Variants in LUZP2 observed in about 807,000 individuals in gnomAD.
LUZP2 encodes leucine zipper protein 2.
A neutral mutation model predicts 51.6 loss-of-function variants in LUZP2; 52 were observed. That is an observed-to-expected ratio of 1.01 (90% confidence interval 0.81 to 1.27). The LOEUF (loss-of-function observed/expected upper bound fraction) is 1.27, where lower values mean the gene tolerates loss of function less well. Ranked by LOEUF, LUZP2 falls within the 50% of genes most tolerant of loss-of-function variation. LUZP2 has a pLI of 0.00. For missense variants in LUZP2, 436 were observed against 395.4 expected, an observed-to-expected ratio of 1.10 and a Z score of -0.87; for synonymous variants, 154 against 137.3, an observed-to-expected ratio of 1.12 and a Z score of -0.85.
At chr11:25,001,707 T>C (rs1355661442) in intron 9 of LUZP2, among the ~76,000 whole-genome samples, 1 of 152,178 alleles carries the variant, frequency 6.6e-6, no homozygotes, top group Non-Finnish European at 1.5e-5. Context: ...CTCTTTGACT[T>C]CATCTTTGTC....
chr11:24,887,359 G>A (rs927219244), intron 5 of LUZP2, among the ~76,000 whole-genome samples: 1 of 152,162 alleles, frequency 6.6e-6, no homozygotes, highest in Non-Finnish European at 1.5e-5. Context: ...GAGATGAAAG[G>A]TCAGACAGAG....
chr11:24,625,176 G>C (rs1854635229), intron 1 of LUZP2, among the ~76,000 whole-genome samples: 1 of 152,020 alleles, frequency 6.6e-6, no homozygotes, highest in African/African-American at 2.4e-5. Context: ...ATTTCCAGGG[G>C]TGGGTTGGGG....
intron 1 of LUZP2, among the ~76,000 whole-genome samples, chr11:24,609,029 T>A (rs1435685502): frequency 1.3e-5 from 2 of 152,094 alleles, no homozygotes; most frequent in Non-Finnish European, 2.9e-5. Context: ...AATGGTAACG[T>A]AACATCCAGA....
chr11:24,540,247 G>T (rs1426019769), intron 1 of LUZP2, among the ~76,000 whole-genome samples: 2 of 152,008 alleles, frequency 1.3e-5, no homozygotes, highest in Non-Finnish European at 2.9e-5. Flanking sequence ...CACAAGTAGG[G>T]GAGTGAAGTG....
chr11:24,561,023 A>C (rs1460134014), intron 1 of LUZP2, among the ~76,000 whole-genome samples: 1 of 152,182 alleles, frequency 6.6e-6, no homozygotes, highest in Non-Finnish European at 1.5e-5. Context: ...CAAAGGAAAA[A>C]ATAAACTGCA....
intron 1 of LUZP2, among the ~76,000 whole-genome samples, chr11:24,648,914 C>T (rs1334735590): frequency 2.0e-5 from 3 of 151,884 alleles, no homozygotes; most frequent in African/African-American, 7.2e-5. Flanking sequence ...TCTTTAATGA[C>T]CCCTCTAAAT....
chr11:24,996,572 TTTTTATTTTATTTTA>T (rs67696322), intron 9 of LUZP2, among the ~76,000 whole-genome samples: 49,987 of 132,246 alleles, frequency 0.38, 10,017 homozygotes, highest in East Asian at 0.65. Flanking sequence ...CTTTTTTCTT[TTTTTATTTTATTTTA>T]TTTTATTTTA....
intron 7 of LUZP2, among the ~76,000 whole-genome samples, chr11:24,948,749 T>C (rs1247981453): frequency 6.6e-6 from 1 of 151,664 alleles, no homozygotes; most frequent in Non-Finnish European, 1.5e-5. Context: ...TCCAGAAGTA[T>C]TTCTTCCACA....
intron 1 of LUZP2, among the ~76,000 whole-genome samples, chr11:24,719,651 A>T (rs1392145119): frequency 6.6e-6 from 1 of 152,180 alleles, no homozygotes; most frequent in Non-Finnish European, 1.5e-5. Flanking sequence ...CACTTACTTT[A>T]TGACTTTGAA....
intron 9 of LUZP2, among the ~76,000 whole-genome samples, chr11:25,031,218 G>A (rs547188158): frequency 8.6e-5 from 13 of 150,492 alleles, no homozygotes; most frequent in African/African-American, 2.7e-4. Context: ...CACCATATTG[G>A]CCAGGCTGCT....
intron 1 of LUZP2, among the ~76,000 whole-genome samples, chr11:24,654,967 T>C (rs1855757741): frequency 6.6e-6 from 1 of 152,166 alleles, no homozygotes; most frequent in African/African-American, 2.4e-5. Context: ...TAAGTTCCTA[T>C]AATAAACATA....
At chr11:25,074,130 T>G (rs1180086683) in intron 10 of LUZP2, among the ~76,000 whole-genome samples, 1 of 152,164 alleles carries the variant, frequency 6.6e-6, no homozygotes, top group African/African-American at 2.4e-5. Context: ...TTCACAACAG[T>G]TCTCTGGAAT....
chr11:24,717,373 C>A (rs1375504429), intron 1 of LUZP2, among the ~76,000 whole-genome samples: 1 of 150,374 alleles, frequency 6.7e-6, no homozygotes, highest in East Asian at 2.0e-4. Context: ...GTTTGTTGTA[C>A]AGATTATTTC....
chr11:24,841,530 A>G (rs899393764), intron 5 of LUZP2, among the ~76,000 whole-genome samples: 3 of 152,212 alleles, frequency 2.0e-5, no homozygotes, highest in African/African-American at 7.2e-5. Context: ...CTTCCTGCTG[A>G]GTGACAAATT....
chr11:24,753,554 C>T (rs1859668397), intron 4 of LUZP2, among the ~76,000 whole-genome samples: 1 of 152,144 alleles, frequency 6.6e-6, no homozygotes, highest in South Asian at 2.1e-4. Flanking sequence ...TTCTGTTTTA[C>T]AGTACTAGGT....
intron 2 of LUZP2, among the ~76,000 whole-genome samples, chr11:24,730,055 C>T (rs139116541): frequency 2.6e-5 from 4 of 151,556 alleles, no homozygotes; most frequent in East Asian, 2.0e-4. Flanking sequence ...CATGTGGAGT[C>T]GCTTCTGTCC....
chr11:24,851,591 A>T (rs1046723598), intron 5 of LUZP2, among the ~76,000 whole-genome samples: 1 of 150,678 alleles, frequency 6.6e-6, no homozygotes, highest in Non-Finnish European at 1.5e-5. Context: ...TGTTGTTGTA[A>T]CTCTGATAGG....
rs1859433470 is a variant in LUZP2, at chr11:25,080,510, T to A, written c.*1852T>A. 1 of 152,092 alleles carries A rather than the reference T, an allele frequency of 6.6e-6. No homozygotes were observed. Among genetic ancestry groups the A allele is most frequent in the Admixed American group, 6.5e-5 (1 of 15,274 alleles). The allele number at this position is 152,092 out of a possible 1,614,324, so 9.4% of individuals were successfully genotyped here. A position where few individuals can be genotyped will look rare whatever the true frequency, so the allele number is the denominator to read the frequency against. On this transcript the variant is annotated 3_prime_UTR_variant, in exon 12 of 12. Transcript: ENST00000336930. ...AAAAAATAATTAGCTTTATGGATGA[T>A]CCATAGAGCTTTCAGATGAAGTGAC... is the stretch of plus-strand genomic sequence containing the variant.
chr11:25,002,293 T>C (rs768075091), intron 9 of LUZP2, among the ~76,000 whole-genome samples: 14 of 152,152 alleles, frequency 9.2e-5, no homozygotes, highest in Non-Finnish European at 1.3e-4. Flanking sequence ...CATCGTTATA[T>C]AGGTTAAGGT....
Sources: allele counts gnomAD v4.1 joint callset (sites outside exome capture counted in the v4.1 genomes callset), GRCh38; gene constraint gnomAD v4.1.1; transcripts MANE v1.5; gene names NCBI Gene and HGNC (gene_info 2026-07-23, HGNC 2026-07-21).